The following PRICKLE1 variants were observed in gnomAD, a reference collection of about 807,000 sequenced individuals.
The protein encoded by PRICKLE1 is prickle planar cell polarity protein 1, also known as prickle-like protein 1.
Under a neutral mutation model 70.2 loss-of-function variants are expected in PRICKLE1, and 14 were observed. The ratio of observed to expected loss-of-function variants is 0.20; its 90% confidence interval spans 0.13 to 0.31. The LOEUF is 0.31. Among genes scored for constraint, PRICKLE1 ranks in the 10% least tolerant of loss-of-function variants. The pLI is 1.00. For synonymous variants in PRICKLE1, 357 were observed against 379.9 expected (o/e 0.94, Z 0.70); for missense variants, 821 against 1,026.2 (o/e 0.80, Z 2.73).
At chr12:42,469,199 G>A (rs557695548) in intron 4 of PRICKLE1, among the ~76,000 whole-genome samples, 29 of 152,222 alleles carry the variant, frequency 1.9e-4, no homozygotes, top group South Asian at 8.3e-4. Flanking sequence ...TCCATGCCAG[G>A]ATCCTACCAA....
At chr12:42,476,817 T>C (rs7959691) in intron 1 of PRICKLE1, among the ~76,000 whole-genome samples, 25,326 of 151,374 alleles carry the variant, frequency 0.17, 2,138 homozygotes, top group Admixed American at 0.22. Flanking sequence ...CAAAGTTTTT[T>C]GTTTTTGTTT....
chr12:42,463,940 T>C (rs1025098163), intron 7 of PRICKLE1, among the ~76,000 whole-genome samples: 1 of 152,230 alleles, frequency 6.6e-6, no homozygotes, highest in African/African-American at 2.4e-5. Flanking sequence ...CATGTGTTTG[T>C]TTTGCTAGTG....
intron 1 of PRICKLE1, among the ~76,000 whole-genome samples, chr12:42,514,052 T>C (rs1455932703): frequency 2.0e-5 from 3 of 152,158 alleles, no homozygotes; most frequent in African/African-American, 7.2e-5. Context: ...ACAATCTCAT[T>C]GTATATTAGG....
chr12:42,527,916 AATATATATATATATATATATATAT>A lies in PRICKLE1; in HGVS notation c.-48-55376_-48-55353del, dbSNP rs1163552624. Among the ~76,000 whole-genome samples, 184 of 20,168 alleles carry A rather than the reference AATATATATATATATATATATATAT, an allele frequency of 9.1e-3. 8 individuals carry two copies. Among genetic ancestry groups the A allele is most frequent in the Admixed American group, 0.042 (58 of 1,378 alleles). The allele number at this position is 20,168 out of a possible 152,430, so 13.2% of individuals were successfully genotyped here. ...ACTGGAGTTTATATATACTCTTTAT[AATATATATATATATATATATATAT>A]ATATATATATATATATATATATATA... is the stretch of plus-strand genomic sequence containing the variant. On this transcript the variant is annotated intron_variant, in intron 1 of 7. Coordinates refer to ENST00000345127, the MANE Select transcript of PRICKLE1 (RefSeq NM_153026.3).
chr12:42,579,880 T>A (rs957011111), intron 1 of PRICKLE1, among the ~76,000 whole-genome samples: 9 of 149,986 alleles, frequency 6.0e-5, no homozygotes, highest in Non-Finnish European at 1.3e-4. Context: ...TTTATATTAT[T>A]TTTTTTTTTG....
At chr12:42,474,869 TA>T (rs1162953652) in intron 1 of PRICKLE1, among the ~76,000 whole-genome samples, 1 of 152,066 alleles carries the variant, frequency 6.6e-6, no homozygotes, top group Non-Finnish European at 1.5e-5. Flanking sequence ...ACATAAATAT[TA>T]AATAGAACCT....
At chr12:42,495,596 T>C (rs1356538359) in intron 1 of PRICKLE1, among the ~76,000 whole-genome samples, 1 of 151,916 alleles carries the variant, frequency 6.6e-6, no homozygotes, top group Admixed American at 6.5e-5. Flanking sequence ...GTTTCTTTTT[T>C]TTTTTTCTTT....
At chr12:42,545,863 A>AT (rs201250710) in intron 1 of PRICKLE1, among the ~76,000 whole-genome samples, 2,272 of 144,244 alleles carry the variant, frequency 0.016, 129 homozygotes, top group Admixed American at 0.12. Flanking sequence ...AAAGAAAAAA[A>AT]AAAAATATAT....
chr12:42,561,905 C>CTTTTT (rs60450733), intron 1 of PRICKLE1, among the ~76,000 whole-genome samples: 54 of 87,130 alleles, frequency 6.2e-4, no homozygotes, highest in Middle Eastern at 6.8e-3. Context: ...TTTTTCTTTT[C>CTTTTT]TTTTTTTTTT....
Position 42,460,767 on chromosome 12 carries a change from A to C in PRICKLE1, c.1640-102T>G, listed in dbSNP as rs1332439406. On this transcript the variant is annotated intron_variant, in intron 7 of 7. Transcript: ENST00000345127. ...AGGAAATATTTCAAAGAAAATTTCCAATCTCAATATTTGATTAAAACCCAT... is the reference window on the plus strand; with the variant it reads ...AGGAAATATTTCAAAGAAAATTTCCCATCTCAATATTTGATTAAAACCCAT... 8 of 1,384,904 alleles carry C rather than the reference A, an allele frequency of 5.8e-6. No individual in the cohort carries two copies. In the South Asian group the frequency reaches 5.9e-5, roughly 10 times the overall value. The allele number at this position is 1,384,904 out of a possible 1,614,324, so 85.8% of individuals were successfully genotyped here.
chr12:42,547,027 GA>G (rs1449736921), intron 1 of PRICKLE1, among the ~76,000 whole-genome samples: 2 of 152,148 alleles, frequency 1.3e-5, no homozygotes, highest in Non-Finnish European at 2.9e-5. Context: ...GTTTTGTTTT[GA>G]ATTAGCTGCA....
chr12:42,581,338 T>TAA (rs112100551), intron 1 of PRICKLE1, among the ~76,000 whole-genome samples: 1 of 151,312 alleles, frequency 6.6e-6, no homozygotes, highest in African/African-American at 2.4e-5. Context: ...AAAAAACTGT[T>TAA]AAAAAAAAAC....
chr12:42,551,335 T>A (rs2120652953), intron 1 of PRICKLE1, among the ~76,000 whole-genome samples: 1 of 152,274 alleles, frequency 6.6e-6, no homozygotes, highest in East Asian at 1.9e-4. Context: ...GCCTTCTGGG[T>A]CTGATACCTG....
At position 42,538,658 on chromosome 12, in the gene PRICKLE1, C is replaced by T. The variant is rs117956652; in HGVS notation, c.-49+50807G>A. Among the ~76,000 whole-genome samples, 812 of 152,232 alleles carry T rather than the reference C, an allele frequency of 5.3e-3. 14 individuals carry two copies. The highest frequency in any genetic ancestry group is 0.048 in the South Asian group (230 of 4,812). ...AGTTAATACCATATGGTTTAATGCC[C>T]TAATAGTTTGATGTGTATCTTTTTT... On this transcript the variant is annotated intron_variant, in intron 1 of 7. Coordinates refer to ENST00000345127, the MANE Select transcript of PRICKLE1 (RefSeq NM_153026.3).
intron 1 of PRICKLE1, among the ~76,000 whole-genome samples, chr12:42,559,415 C>A (rs562435707): frequency 1.3e-5 from 2 of 151,938 alleles, no homozygotes; most frequent in South Asian, 2.1e-4. Context: ...GGGTCTTGCT[C>A]TGTTGCCCAG....
intron 1 of PRICKLE1, among the ~76,000 whole-genome samples, chr12:42,473,889 A>G (rs1938419523): frequency 6.6e-6 from 1 of 152,208 alleles, no homozygotes; most frequent in South Asian, 2.1e-4. Context: ...GTGAAAAGCC[A>G]TACACTTTCA....
chr12:42,567,145 G>A (rs187776400), intron 1 of PRICKLE1, among the ~76,000 whole-genome samples: 275 of 152,184 alleles, frequency 1.8e-3, no homozygotes, highest in African/African-American at 6.2e-3. Context: ...TTTTCAATCC[G>A]GATGGTCTAT....
chr12:42,469,146 G>A (rs925517287), intron 4 of PRICKLE1, among the ~76,000 whole-genome samples: 3 of 152,086 alleles, frequency 2.0e-5, no homozygotes, highest in Admixed American at 6.5e-5. Flanking sequence ...TCTTCATTAT[G>A]TTTCTGCATC....
chr12:42,506,241 G>GTT (rs774029085), intron 1 of PRICKLE1, among the ~76,000 whole-genome samples: 2 of 122,186 alleles, frequency 1.6e-5, no homozygotes, highest in South Asian at 2.9e-4. Flanking sequence ...AGTAAAAAAT[G>GTT]TTCTTTTTTC....
Sources: allele counts gnomAD v4.1 joint callset (sites outside exome capture counted in the v4.1 genomes callset), GRCh38; gene constraint gnomAD v4.1.1; transcripts MANE v1.5; gene names NCBI Gene and HGNC (gene_info 2026-07-23, HGNC 2026-07-21).